ZBTB24: variants seen among roughly 807,000 people sequenced by gnomAD.
The protein encoded by ZBTB24 is zinc finger and BTB domain containing 24, also known as zinc finger and BTB domain-containing protein 24.
In ZBTB24, 32 loss-of-function variants were observed where a neutral mutation model predicts 53.8. The observed-to-expected ratio is 0.60, with a 90% CI of 0.45 to 0.80. The LOEUF is 0.80. ZBTB24 is among the 30% of genes least tolerant of loss of function. The pLI is 0.00. For missense variants in ZBTB24, 722 were observed against 837.1 expected, an observed-to-expected ratio of 0.86 and a Z score of 1.70; for synonymous variants, 297 against 306.7, an observed-to-expected ratio of 0.97 and a Z score of 0.33.
chr6:109,481,050 C>A, intron 2 of ZBTB24, 25 bp downstream of exon 2: 5 of 1,611,400 alleles, frequency 3.1e-6, no homozygotes, highest in Non-Finnish European at 4.2e-6. Flanking sequence ...CAACACACTG[C>A]AATCAGCTTT....
chr6:109,475,926 T>C (rs1776268715), intron 4 of ZBTB24, among the ~76,000 whole-genome samples: 1 of 152,224 alleles, frequency 6.6e-6, no homozygotes. Flanking sequence ...AGTGGCACTT[T>C]TGAAAGATGC....
Position 109,465,445 on chromosome 6 carries a change from CT to C in ZBTB24, c.*405del. On this transcript the variant is annotated 3_prime_UTR_variant, in exon 7 of 7. Transcript: ENST00000230122. ...AAATAAGAAAATAGAACAAACCATT[CT>C]GCCCAGTTCAACCAAAATGACTCCC... The C allele has an allele frequency of 1.7e-6, 1 of 585,214 alleles. No individual in the cohort carries two copies. The highest frequency in any genetic ancestry group is 2.2e-5 in the South Asian group (1 of 44,728). The allele number at this position is 585,214 out of a possible 1,614,324, so 36.3% of individuals were successfully genotyped here. A position where few individuals can be genotyped will look rare whatever the true frequency, so the allele number is the denominator to read the frequency against.
At chr6:109,474,732 C>CAAAAAAAAAAAAAAA (rs538851873) in intron 5 of ZBTB24, among the ~76,000 whole-genome samples, 2 of 105,628 alleles carry the variant, frequency 1.9e-5, no homozygotes, top group African/African-American at 6.6e-5. Context: ...GACTCCGTCT[C>CAAAAAAAAAAAAAAA]AAAAAAAAAA....
At chr6:109,480,460 T>TA (rs1202255085) in intron 2 of ZBTB24, among the ~76,000 whole-genome samples, 1 of 152,202 alleles carries the variant, frequency 6.6e-6, no homozygotes, top group Non-Finnish European at 1.5e-5. Context: ...AAAAACCACA[T>TA]GTGGTTACTG....
intron 2 of ZBTB24, among the ~76,000 whole-genome samples, chr6:109,479,519 C>T (rs538635226): frequency 3.3e-5 from 5 of 152,308 alleles, no homozygotes; most frequent in Admixed American, 1.3e-4. Context: ...CATTGTGAGT[C>T]GGGGACTGTC....
intron 2 of ZBTB24, among the ~76,000 whole-genome samples, chr6:109,479,544 A>G (rs929736524): frequency 6.6e-6 from 1 of 152,240 alleles, no homozygotes; most frequent in Non-Finnish European, 1.5e-5. Flanking sequence ...CTGAGGACAT[A>G]AGGGAAGAAC....
At chr6:109,479,300 A>G (rs1776346307) in intron 2 of ZBTB24, among the ~76,000 whole-genome samples, 1 of 152,218 alleles carries the variant, frequency 6.6e-6, no homozygotes, top group Non-Finnish European at 1.5e-5. Flanking sequence ...TGAAAATATC[A>G]TAAGGAAAAA....
At position 109,481,989 on chromosome 6, in the gene ZBTB24, A is replaced by G; in HGVS notation, c.38T>C (p.Val13Ala). The G allele has an allele frequency of 1.7e-5, 28 of 1,614,256 alleles. No homozygotes were observed. Among genetic ancestry groups the G allele is most frequent in the Non-Finnish European group, 2.4e-5 (28 of 1,180,050 alleles). ...GTCACTGTGAGCGTCTGAGTGTACA[A>G]CAAGCTGCCCAGAAGGCTCTGGCGA... ...ETSPEPSGQLVVHSDAHSDTV... is the reference protein window; with the variant it reads ...ETSPEPSGQLAVHSDAHSDTV... The change falls in exon 2 of 7, where the codon GTT (valine) becomes GCT (alanine). Residue 13 changes from valine (V) to alanine (A), a missense_variant. Val to Ala is a moderately conservative substitution (Grantham distance 64). Transcript: ENST00000230122.
At chr6:109,480,550 G>C (rs780387479) in intron 2 of ZBTB24, among the ~76,000 whole-genome samples, 1 of 152,006 alleles carries the variant, frequency 6.6e-6, no homozygotes, top group Non-Finnish European at 1.5e-5. Flanking sequence ...TGGGCTAGAG[G>C]GACCAAAAAT....
At chr6:109,482,511 G>C (rs1243511504) in intron 1 of ZBTB24, among the ~76,000 whole-genome samples, 1 of 117,404 alleles carries the variant, frequency 8.5e-6, no homozygotes, top group African/African-American at 3.2e-5. Context: ...TTTTTTTTTT[G>C]AGACGGAGTC....
intron 2 of ZBTB24, among the ~76,000 whole-genome samples, chr6:109,477,477 A>G (rs1227139390): frequency 1.3e-5 from 2 of 151,982 alleles, no homozygotes; most frequent in Non-Finnish European, 2.9e-5. Flanking sequence ...TTAAGACACA[A>G]TCTCCTAAGG....
Position 109,465,534 on chromosome 6 carries a change from G to C in ZBTB24, c.*317C>G. On this transcript the variant is annotated 3_prime_UTR_variant, in exon 7 of 7. Transcript: ENST00000230122. ...TGGCAAGACCATAACCTATGGCTGT[G>C]AACATTTAAACCTTACAGAAAAACT... is the stretch of plus-strand genomic sequence containing the variant. 2.0e-6 allele frequency: 2 copies of C among 1,022,276 alleles called. No individual in the cohort carries two copies. Among genetic ancestry groups the C allele is most frequent in the Non-Finnish European group, 2.8e-6 (2 of 710,338 alleles). The allele number at this position is 1,022,276 out of a possible 1,614,324, so 63.3% of individuals were successfully genotyped here.
At chr6:109,482,713 A>G (rs1776454405) in intron 1 of ZBTB24, among the ~76,000 whole-genome samples, 1 of 152,236 alleles carries the variant, frequency 6.6e-6, no homozygotes, top group Non-Finnish European at 1.5e-5. Context: ...CCATCTCCAA[A>G]ATCCTCCGCA....
rs567889730 is a variant in ZBTB24, at chr6:109,465,025, T to G, written c.*826A>C. ...AATAGTGAAGAAAGCTTTACCTTCA[T>G]GAAAATCAAATCTCTTTTCTGACAA... is the stretch of plus-strand genomic sequence containing the variant. On this transcript the variant is annotated 3_prime_UTR_variant, in exon 7 of 7. Coordinates refer to ENST00000230122, the MANE Select transcript of ZBTB24 (RefSeq NM_014797.3). 13 of 152,296 alleles carry G rather than the reference T, an allele frequency of 8.5e-5. No homozygotes were observed. Among genetic ancestry groups the G allele is most frequent in the Admixed American group, 7.2e-4 (11 of 15,290 alleles). The allele number at this position is 152,296 out of a possible 1,614,324, so 9.4% of individuals were successfully genotyped here.
chr6:109,471,909 A>G (rs1041702205), intron 5 of ZBTB24, among the ~76,000 whole-genome samples: 24 of 152,134 alleles, frequency 1.6e-4, no homozygotes, highest in African/African-American at 5.8e-4. Flanking sequence ...CCTGGCAGGT[A>G]CTGCTTGTCT....
chr6:109,470,440 C>T (rs564902532), intron 5 of ZBTB24, among the ~76,000 whole-genome samples: 13 of 152,310 alleles, frequency 8.5e-5, no homozygotes, highest in African/African-American at 2.9e-4. Context: ...ACTTAAATCC[C>T]GGACCCCACT....
At chr6:109,479,760 C>CA (rs1321108215) in intron 2 of ZBTB24, among the ~76,000 whole-genome samples, 2 of 151,358 alleles carry the variant, frequency 1.3e-5, no homozygotes, top group East Asian at 1.9e-4. Context: ...ACTAAAAATA[C>CA]AAAAAATTAG....
chr6:109,479,138 G>C (rs1359988534), intron 2 of ZBTB24, among the ~76,000 whole-genome samples: 1 of 152,172 alleles, frequency 6.6e-6, no homozygotes, highest in Non-Finnish European at 1.5e-5. Context: ...AGATTTTCCA[G>C]AACTGAAAGA....
At chr6:109,468,223 C>A (rs920235353) in intron 5 of ZBTB24, among the ~76,000 whole-genome samples, 1 of 152,054 alleles carries the variant, frequency 6.6e-6, no homozygotes, top group Admixed American at 6.5e-5. Flanking sequence ...ACACCACCAC[C>A]ATCTCTTGCC....
Sources: gnomAD v4.1 joint callset for allele counts (sites outside exome capture counted in the v4.1 genomes callset) on GRCh38, gnomAD v4.1.1 for gene constraint, MANE v1.5 for transcripts, NCBI Gene and HGNC (gene_info 2026-07-23, HGNC 2026-07-21) for gene names.